Variants in SLC2A8 observed in about 807,000 individuals in gnomAD.
SLC2A8 encodes solute carrier family 2 member 8.
A neutral mutation model predicts 49.2 loss-of-function variants in SLC2A8; 53 were observed. That is an observed-to-expected ratio of 1.08 (90% CI 0.86 to 1.35). The LOEUF (loss-of-function observed/expected upper bound fraction) is 1.35, where lower values mean the gene tolerates loss of function less well. Among genes scored for constraint, SLC2A8 ranks in the 40% most tolerant of loss-of-function variants. The pLI, the probability that SLC2A8 is intolerant of heterozygous loss-of-function variation, is 0.00. For missense variants in SLC2A8, 688 were observed against 671.7 expected (o/e 1.02, Z -0.27); for synonymous variants, 299 against 297.0 (o/e 1.01, Z -0.07).
Position 127,397,537 on chromosome 9 carries a change from G to T in SLC2A8, c.218G>T (p.Gly73Val). The T allele has an allele frequency of 7.1e-7, 1 of 1,410,016 alleles. No homozygotes were observed. The highest frequency in any genetic ancestry group is 9.1e-7 in the Non-Finnish European group (1 of 1,094,442). The allele number at this position is 1,410,016 out of a possible 1,614,324, so 87.3% of individuals were successfully genotyped here. Residue 73 changes from glycine to valine, a missense_variant and splice_region_variant, in exon 2 of 10, where the codon GGG (glycine) becomes GTG (valine). Transcript: ENST00000373371. ...GACGACGCCGCCGCCTCCTGGTTCG[G>T]GGTGAGGCCCCGGGCTCGCTCCTCC... The part of the protein sequence containing the change: ...RLDDAAASWF[G>V]AVVTLGAAAG...
At chr9:127,404,682 C>G in intron 7 of SLC2A8, 136 bp from the exon 8 acceptor site, 1 of 1,042,224 alleles carries the variant, frequency 9.6e-7, no homozygotes, top group East Asian at 2.7e-5. Context: ...AGGGCTTCTG[C>G]GGCCAAGGTG....
chr9:127,402,407 T>G (rs1014033619), intron 4 of SLC2A8, 150 bp from the exon 5 acceptor site: 5 of 1,259,422 alleles, frequency 4.0e-6, no homozygotes, highest in African/African-American at 3.0e-5. Context: ...TCATGAACAG[T>G]TGTGATAATG....
In SLC2A8 at chr9:127,397,439, C is replaced by T. The variant is rs1450075575; in HGVS notation, c.120C>T (p.Phe40=). 2 of 1,487,276 alleles carry T rather than the reference C, an allele frequency of 1.3e-6. No individual in the cohort carries two copies. Among genetic ancestry groups the T allele is most frequent in the East Asian group, 2.9e-5 (1 of 34,432 alleles). The allele number at this position is 1,487,276 out of a possible 1,614,324, so 92.1% of individuals were successfully genotyped here. The change falls in exon 2 of 10, where the codon TTC becomes TTT. Residue 40 remains phenylalanine, a synonymous_variant. Transcript: ENST00000373371. Reference sequence around the variant, plus strand: ...CCGCTGCCCTGGGCCCACTCAGCTTCGGCTTCGCGCTCGGCTACAGCTCCC... The same window carrying T: ...CCGCTGCCCTGGGCCCACTCAGCTTTGGCTTCGCGCTCGGCTACAGCTCCC... ...AFAAALGPLS[F]GFALGYSSPA... is the part of the protein sequence containing the mutation.
In SLC2A8 at chr9:127,397,357, C is replaced by T; in HGVS notation, c.57-19C>T. 11 of 1,446,248 alleles carry T rather than the reference C, an allele frequency of 7.6e-6. No homozygotes were observed. The highest frequency in any genetic ancestry group is 9.9e-6 in the Non-Finnish European group (11 of 1,109,086). The allele number at this position is 1,446,248 out of a possible 1,614,324, so 89.6% of individuals were successfully genotyped here. The stretch of plus-strand genomic sequence containing the variant: ...CCCCTCCGCGTCCGCTCCGCTCACC[C>T]TCGGCCCTGTCCCCCCAGCGCGCCC... On this transcript the variant is annotated intron_variant, in intron 1 of 9. Coordinates refer to ENST00000373371, the MANE Select transcript of SLC2A8 (RefSeq NM_014580.5).
At chr9:127,405,079 C>T (rs980685113) in intron 8 of SLC2A8, 88 bp downstream of exon 8, 34 of 1,375,064 alleles carry the variant, frequency 2.5e-5, no homozygotes, top group South Asian at 2.2e-4. Context: ...GGGGTCTTCC[C>T]CAGCCTCACC....
Position 127,403,701 on chromosome 9 carries a change from G to C in SLC2A8, c.765G>C (p.Lys255Asn). 1 of 1,613,116 alleles carries C rather than the reference G, an allele frequency of 6.2e-7. No homozygotes were observed. The highest frequency in any genetic ancestry group is 1.6e-4 in the Middle Eastern group (1 of 6,062). The change falls in exon 6 of 10, where the codon AAG becomes AAC. Residue 255 changes from lysine to asparagine, a missense_variant. Lys to Asn is a moderately conservative substitution (Grantham distance 94, BLOSUM62 0). Coordinates refer to ENST00000373371, the MANE Select transcript of SLC2A8 (RefSeq NM_014580.5). Reference protein sequence around the residue: ...LALLRQPGIYKPFIIGVSLMA... With the variant: ...LALLRQPGIYNPFIIGVSLMA... ...TGCTGCGGCAGCCCGGCATCTACAA[G>C]CCCTTCATCATCGGCGTCTCCCTGA...
chr9:127,397,805 G>C (rs1183727337), intron 2 of SLC2A8, 100 bp from the exon 3 acceptor site: 1 of 1,278,814 alleles, frequency 7.8e-7, no homozygotes, highest in African/African-American at 1.6e-5. Context: ...GACGGGCGCG[G>C]GGCCCCGGCT....
chr9:127,403,077 G>A (rs1291005651), intron 5 of SLC2A8, among the ~76,000 whole-genome samples: 2 of 152,234 alleles, frequency 1.3e-5, no homozygotes, highest in Non-Finnish European at 2.9e-5. Flanking sequence ...GAGTTGCAAG[G>A]CAGGGTAGAG....
intron 8 of SLC2A8, 33 bp downstream of exon 8, chr9:127,405,024 T>G: frequency 1.3e-6 from 2 of 1,577,022 alleles, no homozygotes; most frequent in Non-Finnish European, 1.7e-6. Context: ...GGGCGAGGAG[T>G]GGGAGGTGAT....
At position 127,399,780 on chromosome 9, in the gene SLC2A8, C is replaced by T. The variant is rs539593370; in HGVS notation, c.427-127C>T. Reference sequence around the variant, plus strand: ...ATTTTTAGTAGAGATGGGGTTTCTCCCTGTTGGTCAGGCCAGTCTCAAACT... The same window carrying T: ...ATTTTTAGTAGAGATGGGGTTTCTCTCTGTTGGTCAGGCCAGTCTCAAACT... On this transcript the variant is annotated intron_variant, in intron 3 of 9. Transcript: ENST00000373371. The surrounding 1 kb of genome is among the most constrained non-coding windows in gnomAD (Gnocchi z 4.2). 2 of 660,110 alleles carry T rather than the reference C, an allele frequency of 3.0e-6. No individual in the cohort carries two copies. Among genetic ancestry groups the T allele is most frequent in the African/African-American group, 3.6e-5 (2 of 54,928 alleles). 40.9% of individuals were successfully genotyped at this position (660,110 alleles called of 1,614,324 possible). A position where few individuals can be genotyped will look rare whatever the true frequency, so the allele number is the denominator to read the frequency against.
intron 9 of SLC2A8, among the ~76,000 whole-genome samples, chr9:127,406,725 A>G (rs1176923790): frequency 1.0e-5 from 1 of 100,366 alleles, no homozygotes; most frequent in African/African-American, 3.4e-5. Context: ...CACACTATGA[A>G]AGAACCCACC....
At position 127,407,373 on chromosome 9, in the gene SLC2A8, T is replaced by C; in HGVS notation, c.*124T>C. 1.6e-6 allele frequency: 2 copies of C among 1,227,268 alleles called. No homozygotes were observed. Among genetic ancestry groups the C allele is most frequent in the Admixed American group, 3.5e-5 (2 of 56,566 alleles). The allele number at this position is 1,227,268 out of a possible 1,614,324, so 76.0% of individuals were successfully genotyped here. Reference sequence around the variant, plus strand: ...GAGCCTTGGTCTGCAGGGTCCCTCCTTCCTGTCATGCTCCCTCCAGCCCAT... The same window carrying C: ...GAGCCTTGGTCTGCAGGGTCCCTCCCTCCTGTCATGCTCCCTCCAGCCCAT... On this transcript the variant is annotated 3_prime_UTR_variant, in exon 10 of 10. Coordinates refer to ENST00000373371, the MANE Select transcript of SLC2A8 (RefSeq NM_014580.5).
At position 127,407,495 on chromosome 9, in the gene SLC2A8, C is replaced by T. The variant is rs1314543116; in HGVS notation, c.*246C>T. ...TCGAGCTTTGCAGACCTGCGGTCAG[C>T]CCTCCATGCGCAAGACTAAAGCAGC... On this transcript the variant is annotated 3_prime_UTR_variant, in exon 10 of 10. Coordinates refer to ENST00000373371, the MANE Select transcript of SLC2A8 (RefSeq NM_014580.5). The T allele has an allele frequency of 4.7e-6, 3 of 641,132 alleles. No homozygotes were observed. Among genetic ancestry groups the T allele is most frequent in the Non-Finnish European group, 8.9e-6 (3 of 337,154 alleles). 39.7% of individuals were successfully genotyped at this position (641,132 alleles called of 1,614,324 possible).
chr9:127,398,658 G>C (rs1053337977), intron 3 of SLC2A8, among the ~76,000 whole-genome samples: 1 of 152,116 alleles, frequency 6.6e-6, no homozygotes, highest in Non-Finnish European at 1.5e-5. Context: ...TGGGAGCCCC[G>C]AACATCTGGG....
Position 127,404,885 on chromosome 9 carries a change from C to T in SLC2A8, c.1044C>T (p.Gly348=). 1 of 1,612,732 alleles carries T rather than the reference C, an allele frequency of 6.2e-7. No individual in the cohort carries two copies. Among genetic ancestry groups the T allele is most frequent in the Non-Finnish European group, 8.5e-7 (1 of 1,179,852 alleles). The change falls in exon 8 of 10, where the codon GGC becomes GGT. Residue 348 remains glycine, a synonymous_variant. Transcript: ENST00000373371. ...TCAAGCTGACCCAGGGTGGCCCTGG[C>T]AACTCCTCGCACGTGGCCATCTCGG... The part of the protein sequence containing the change: ...AYFKLTQGGP[G]NSSHVAISAP...
In SLC2A8 at chr9:127,407,151, G is replaced by T. The variant is rs746688252; in HGVS notation, c.1336G>T (p.Ala446Ser). 5 of 1,613,502 alleles carry T rather than the reference G, an allele frequency of 3.1e-6. No individual in the cohort carries two copies. Among genetic ancestry groups the T allele is most frequent in the Non-Finnish European group, 3.4e-6 (4 of 1,180,004 alleles). ...CTATGGAGCCTTCTGGCTTGCCTCC[G>T]CTTTCTGCATCTTCAGTGTCCTTTT... ...RPYGAFWLAS[A>S]FCIFSVLFTL... The change falls in exon 10 of 10, where the codon GCT becomes TCT. Residue 446 changes from alanine (A) to serine (S), a missense_variant. Ala to Ser is a moderately conservative substitution (Grantham distance 99, BLOSUM62 1). Coordinates refer to ENST00000373371, the MANE Select transcript of SLC2A8 (RefSeq NM_014580.5).
intron 4 of SLC2A8, among the ~76,000 whole-genome samples, 158 bp downstream of exon 4, chr9:127,400,164 G>GTTTTTTTTTTTT (rs1564214930): frequency 8.8e-6 from 1 of 113,954 alleles, no homozygotes; most frequent in Non-Finnish European, 1.8e-5. Flanking sequence ...GGATAGGTGA[G>GTTTTTTTTTTTT]TCTTTTTTTT....
In SLC2A8 at chr9:127,398,130, G is replaced by A. The variant is rs763534385; in HGVS notation, c.426+19G>A. Reference sequence around the variant, plus strand: ...GGCCCCGGTGAGTGTCCCGTCTCTCGAGTGTCCTGTCTCGCGGCCTGAGAC... The same window carrying A: ...GGCCCCGGTGAGTGTCCCGTCTCTCAAGTGTCCTGTCTCGCGGCCTGAGAC... On this transcript the variant is annotated intron_variant, in intron 3 of 9. Transcript: ENST00000373371. 1 of 1,566,172 alleles carries A rather than the reference G, an allele frequency of 6.4e-7. No individual in the cohort carries two copies. Among genetic ancestry groups the A allele is most frequent in the South Asian group, 1.2e-5 (1 of 85,138 alleles).
At chr9:127,400,134 C>A in intron 4 of SLC2A8, 128 bp downstream of exon 4, 3 of 644,496 alleles carry the variant, frequency 4.7e-6, no homozygotes, top group Non-Finnish European at 2.6e-6. Flanking sequence ...ACATGCCAGG[C>A]TCGCCTTCCT....
Sources: gnomAD v4.1 joint callset for allele counts (sites outside exome capture counted in the v4.1 genomes callset) on GRCh38, gnomAD v4.1.1 for gene constraint, Gnocchi (gnomAD v3.1) non-coding constraint, MANE v1.5 for transcripts, NCBI Gene and HGNC (gene_info 2026-07-23, HGNC 2026-07-21) for gene names.